Variants in DNM2 observed in about 807,000 individuals in gnomAD.
The protein encoded by DNM2 is dynamin 2.
Under a neutral mutation model 99.0 loss-of-function variants are expected in DNM2, and 15 were observed. The ratio of observed to expected loss-of-function variants is 0.15; its 90% CI spans 0.10 to 0.23. The LOEUF is 0.23. Among genes scored for constraint, DNM2 ranks in the 10% least tolerant of loss-of-function variants. The pLI, the probability that DNM2 is intolerant of heterozygous loss-of-function variation, is 1.00. For synonymous variants in DNM2, 525 were observed against 481.2 expected, an observed-to-expected ratio of 1.09 and a Z score of -1.19; for missense variants, 742 against 1,189.4, an observed-to-expected ratio of 0.62 and a Z score of 5.53.
At chr19:10,787,420 G>A (rs577301306) in intron 7 of DNM2, among the ~76,000 whole-genome samples, 10 of 151,036 alleles carry the variant, frequency 6.6e-5, no homozygotes, top group African/African-American at 2.4e-4. Context: ...TCAGTGAGTC[G>A]AGATTGCGCA....
chr19:10,740,312 C>T (rs910505718), intron 1 of DNM2, among the ~76,000 whole-genome samples: 5 of 151,626 alleles, frequency 3.3e-5, no homozygotes, highest in African/African-American at 1.2e-4. Context: ...GTTTACCCTC[C>T]TTTTCTGAGG....
intron 2 of DNM2, among the ~76,000 whole-genome samples, chr19:10,762,238 A>G (rs2070657075): frequency 6.6e-6 from 1 of 152,004 alleles, no homozygotes; most frequent in African/African-American, 2.4e-5. Flanking sequence ...GAGCTTCACC[A>G]TGTTGGCCAG....
intron 2 of DNM2, among the ~76,000 whole-genome samples, chr19:10,766,537 T>C (rs1029579318): frequency 2.6e-5 from 4 of 152,068 alleles, no homozygotes; most frequent in African/African-American, 9.7e-5. Flanking sequence ...TGGGGGTTCC[T>C]GGGAGTGATG....
At chr19:10,807,539 CTTTTTTTTTTT>C (rs763788862) in intron 13 of DNM2, among the ~76,000 whole-genome samples, 6 of 91,218 alleles carry the variant, frequency 6.6e-5, no homozygotes, top group African/African-American at 9.1e-5. Context: ...CACGTCCAGC[CTTTTTTTTTTT>C]TTTTTTTTTT....
In DNM2 at chr19:10,812,453, GCAGAACTCAGT is replaced by G; in HGVS notation, c.1671+79_1671+89del. On this transcript the variant is annotated intron_variant, in intron 15 of 20. Coordinates refer to ENST00000389253, the MANE Select transcript of DNM2 (RefSeq NM_001005361.3). This position sits in a 1 kb window ranked among gnomAD's most constrained non-coding sequence, Gnocchi z 4.0. Reference sequence around the variant, plus strand: ...AAGAGCGGGTGGGCGCTCCCTCTGGGCAGAACTCAGTCACTGCGCCACTCTGCCCTGAGTCA... The same window carrying G: ...AAGAGCGGGTGGGCGCTCCCTCTGGGCACTGCGCCACTCTGCCCTGAGTCA... The G allele has an allele frequency of 8.0e-7, 1 of 1,247,196 alleles. No homozygotes were observed. Among genetic ancestry groups the G allele is most frequent in the Non-Finnish European group, 1.1e-6 (1 of 882,322 alleles). 77.3% of individuals were successfully genotyped at this position (1,247,196 alleles called of 1,614,324 possible).
chr19:10,806,285 C>T (rs760417497), intron 13 of DNM2, among the ~76,000 whole-genome samples: 5 of 151,314 alleles, frequency 3.3e-5, no homozygotes, highest in South Asian at 2.1e-4. Context: ...TTTGGGAGGC[C>T]GAGGTGGGAG....
chr19:10,766,488 G>A lies in DNM2; in HGVS notation c.236-5991G>A, dbSNP rs575395341. On this transcript the variant is annotated intron_variant, in intron 2 of 20. Transcript: ENST00000389253. ...CTGGGGACACCTCAAAGGGCCTGAGGTGCAGGGGATTGACTGTTTAGCACA... is the reference window on the plus strand; with the variant it reads ...CTGGGGACACCTCAAAGGGCCTGAGATGCAGGGGATTGACTGTTTAGCACA... 1.8e-4 allele frequency among the ~76,000 whole-genome samples: 27 copies of A among 152,322 alleles called. No homozygotes were observed. In the South Asian group the frequency reaches 4.4e-3, roughly 25 times the overall value.
chr19:10,779,999 T>G (rs544367277), intron 5 of DNM2, among the ~76,000 whole-genome samples: 11 of 152,228 alleles, frequency 7.2e-5, no homozygotes, highest in Admixed American at 5.9e-4. Context: ...TGGCATCTAC[T>G]CTAAGCTGCG....
chr19:10,772,767 C>T lies in DNM2; in HGVS notation c.385+139C>T. ...GTTGATATTCACACACACATAGCCC[C>T]TTGATCTGTATCTTCCCACTTGTGC... On this transcript the variant is annotated intron_variant, in intron 3 of 20. Transcript: ENST00000389253. The surrounding 1 kb of genome is among the most constrained non-coding windows in gnomAD (Gnocchi z 4.9). 1.5e-6 allele frequency: 2 copies of T among 1,328,204 alleles called. No homozygotes were observed. The highest frequency in any genetic ancestry group is 2.1e-6 in the Non-Finnish European group (2 of 956,722). 82.3% of individuals were successfully genotyped at this position (1,328,204 alleles called of 1,614,324 possible). A position where few individuals can be genotyped will look rare whatever the true frequency, so the allele number is the denominator to read the frequency against.
intron 1 of DNM2, among the ~76,000 whole-genome samples, chr19:10,721,180 C>T (rs960138531): frequency 2.0e-5 from 3 of 151,916 alleles, no homozygotes; most frequent in East Asian, 3.9e-4. Context: ...ATTTTTACAC[C>T]GAGTCTCACT....
At position 10,758,074 on chromosome 19, in the gene DNM2, T is replaced by G. The variant is rs2070461818; in HGVS notation, c.162-1664T>G. Among the ~76,000 whole-genome samples the G allele has an allele frequency of 1.3e-5, 2 of 152,010 alleles. 1 individual carries two copies. The highest frequency in any genetic ancestry group is 4.1e-4 in the South Asian group (2 of 4,822). On this transcript the variant is annotated intron_variant, in intron 1 of 20. Coordinates refer to ENST00000389253, the MANE Select transcript of DNM2 (RefSeq NM_001005361.3). ...GAGCCCACTGTTTCTACTTCAGTCC[T>G]CACTGGAAAGCTTTCATTTTCCTTT... is the stretch of plus-strand genomic sequence containing the variant.
chr19:10,725,470 G>C (rs1018764547), intron 1 of DNM2, among the ~76,000 whole-genome samples: 6 of 151,072 alleles, frequency 4.0e-5, no homozygotes, highest in African/African-American at 1.5e-4. Flanking sequence ...AAGGAAAAAA[G>C]GAAAGGCCAT....
Position 10,786,595 on chromosome 19 carries a change from C to T in DNM2, c.881C>T (p.Pro294Leu), listed in dbSNP as rs774185418. ...ACCAACCACATCCGGGAGTCGCTGCCGGCCCTACGTAGCAAACTACAGAGC... is the reference window on the plus strand; with the variant it reads ...ACCAACCACATCCGGGAGTCGCTGCTGGCCCTACGTAGCAAACTACAGAGC... The part of the protein sequence containing the change: ...QLTNHIRESL[P>L]ALRSKLQSQL... Residue 294 changes from proline (P) to leucine (L), a missense_variant, in exon 7 of 21, where the codon CCG (proline) becomes CTG (leucine). Physicochemically the swap from Pro to Leu is moderately conservative, Grantham distance 98. Coordinates refer to ENST00000389253, the MANE Select transcript of DNM2 (RefSeq NM_001005361.3). 1.4e-5 allele frequency: 23 copies of T among 1,614,028 alleles called. No homozygotes were observed. Among genetic ancestry groups the T allele is most frequent in the East Asian group, 6.7e-5 (3 of 44,896 alleles).
intron 12 of DNM2, among the ~76,000 whole-genome samples, chr19:10,803,270 T>TA (rs2146067610): frequency 6.6e-6 from 1 of 152,264 alleles, no homozygotes; most frequent in Admixed American, 6.5e-5. Context: ...AGTCACCAGA[T>TA]ACAACATTTA....
At chr19:10,753,437 C>T (rs1460949969) in intron 1 of DNM2, among the ~76,000 whole-genome samples, 1 of 139,762 alleles carries the variant, frequency 7.2e-6, no homozygotes, top group Admixed American at 7.4e-5. Context: ...CCCCTTCCCC[C>T]TTCCCTTTCC....
At chr19:10,777,237 G>A (rs1361024725) in intron 5 of DNM2, 21 bp downstream of exon 5, 2 of 1,612,768 alleles carry the variant, frequency 1.2e-6, no homozygotes, top group Non-Finnish European at 1.7e-6. Context: ...GGGGGTGCTG[G>A]GGAAGCAGGA....
intron 7 of DNM2, among the ~76,000 whole-genome samples, chr19:10,790,467 G>A (rs1177772832): frequency 6.6e-6 from 1 of 151,956 alleles, no homozygotes; most frequent in African/African-American, 2.4e-5. Context: ...TTATGTATTT[G>A]GTGGTTTTTT....
rs561460685 is a variant in DNM2, at chr19:10,749,850, G to A, written c.162-9888G>A. Among the ~76,000 whole-genome samples the A allele has an allele frequency of 3.9e-5, 6 of 152,360 alleles. No individual in the cohort carries two copies. The East Asian group carries it at 1.2e-3, about 29-fold the overall frequency. ...GGAAGGGGTGTGTATTTGGGAGGGA[G>A]GGGCGCAAGCCATCACACCTGCCCA... On this transcript the variant is annotated intron_variant, in intron 1 of 20. Transcript: ENST00000389253.
At chr19:10,750,479 TA>T (rs576439938) in intron 1 of DNM2, among the ~76,000 whole-genome samples, 89 of 143,008 alleles carry the variant, frequency 6.2e-4, no homozygotes, top group Admixed American at 7.0e-4. Flanking sequence ...ATGCCATCTC[TA>T]AAAAAAAAAA....
Sources: gnomAD v4.1 joint callset for allele counts (sites outside exome capture counted in the v4.1 genomes callset) on GRCh38, gnomAD v4.1.1 for gene constraint, Gnocchi (gnomAD v3.1) non-coding constraint, MANE v1.5 for transcripts, NCBI Gene and HGNC (gene_info 2026-07-23, HGNC 2026-07-21) for gene names.